The following EYA4 variants were observed in gnomAD, a reference collection of about 807,000 sequenced individuals.
The protein encoded by EYA4 is protein phosphatase EYA4.
Under a neutral mutation model 87.9 loss-of-function variants are expected in EYA4, and 31 were observed. The ratio of observed to expected loss-of-function variants is 0.35; its 90% confidence interval spans 0.27 to 0.48. The LOEUF (loss-of-function observed/expected upper bound fraction) is 0.48, where lower values mean the gene tolerates loss of function less well. EYA4 is among the 20% of genes least tolerant of loss of function. The pLI, the probability that EYA4 is intolerant of heterozygous loss-of-function variation, is 0.99. For synonymous variants in EYA4, 263 were observed against 270.6 expected, an observed-to-expected ratio of 0.97 and a Z score of 0.28; for missense variants, 678 against 761.4, an observed-to-expected ratio of 0.89 and a Z score of 1.29.
chr6:133,340,355 T>C (rs1782690687), intron 2 of EYA4, among the ~76,000 whole-genome samples: 2 of 152,188 alleles, frequency 1.3e-5, no homozygotes, highest in Admixed American at 1.3e-4. Flanking sequence ...TGCCTTTGCC[T>C]CTTTTCACAT....
intron 2 of EYA4, among the ~76,000 whole-genome samples, chr6:133,313,760 G>T (rs1780413128): frequency 6.6e-6 from 1 of 152,108 alleles, no homozygotes; most frequent in Non-Finnish European, 1.5e-5. Flanking sequence ...TCCTTACACA[G>T]TTGTTAGAGT....
rs6904475 is a variant in EYA4 at position 133,304,861 on chromosome 6, C to T, written c.33+30048C>T. Among the ~76,000 whole-genome samples, 316 of 152,158 alleles carry T rather than the reference C, an allele frequency of 2.1e-3. 2 individuals are homozygous for T. Among genetic ancestry groups the T allele is most frequent in the African/African-American group, 5.4e-3 (226 of 41,506 alleles). On this transcript the variant is annotated intron_variant, in intron 2 of 19. Coordinates refer to ENST00000355286, the MANE Select transcript of EYA4 (RefSeq NM_004100.5). ...ACTAAACGTGAGATAAATCCTTATTCCAAAGAGCTTATATTTCTGAGTGTG... is the reference window on the plus strand; with the variant it reads ...ACTAAACGTGAGATAAATCCTTATTTCAAAGAGCTTATATTTCTGAGTGTG...
chr6:133,370,873 T>C (rs1229733202), intron 2 of EYA4, among the ~76,000 whole-genome samples: 1 of 152,188 alleles, frequency 6.6e-6, no homozygotes, highest in Non-Finnish European at 1.5e-5. Flanking sequence ...GAAACCATAA[T>C]AGTAAGATCA....
chr6:133,452,893 A>G (rs1214994470), intron 5 of EYA4: 2 of 152,122 alleles, frequency 1.3e-5, no homozygotes, highest in East Asian at 3.9e-4. Context: ...ATAATCCCAC[A>G]AAACTCTTCA....
At chr6:133,413,955 C>T (rs1172551197) in intron 3 of EYA4, among the ~76,000 whole-genome samples, 1 of 152,152 alleles carries the variant, frequency 6.6e-6, no homozygotes, top group African/African-American at 2.4e-5. Flanking sequence ...ATGCTCTCTC[C>T]TCGTATTTAA....
intron 13 of EYA4, among the ~76,000 whole-genome samples, chr6:133,505,803 T>C (rs1352552281): frequency 2.6e-5 from 4 of 152,190 alleles, no homozygotes; most frequent in Admixed American, 6.5e-5. Flanking sequence ...AGATTATATG[T>C]AAACTGGGTC....
intron 1 of EYA4, among the ~76,000 whole-genome samples, chr6:133,266,912 G>A (rs975770097): frequency 1.6e-4 from 24 of 152,040 alleles, no homozygotes; most frequent in Non-Finnish European, 1.9e-4. Context: ...CATACATTAT[G>A]TATGTTACAT....
chr6:133,290,716 G>A lies in EYA4; in HGVS notation c.33+15903G>A, dbSNP rs1188657759. Among the ~76,000 whole-genome samples the A allele has an allele frequency of 2.0e-5, 3 of 152,282 alleles. No individual in the cohort carries two copies. In the East Asian group the frequency reaches 5.8e-4, roughly 29 times the overall value. Reference sequence around the variant, plus strand: ...TGGTAGGACCTTTAGAGATTATGCTGTCCAAATCCTTTACGTTAGTTTAAC... The same window carrying A: ...TGGTAGGACCTTTAGAGATTATGCTATCCAAATCCTTTACGTTAGTTTAAC... On this transcript the variant is annotated intron_variant, in intron 2 of 19. Transcript: ENST00000355286.
Position 133,515,891 on chromosome 6 carries a change from T to G in EYA4, c.1616+456T>G, listed in dbSNP as rs112698469. Among the ~76,000 whole-genome samples the G allele has an allele frequency of 7.3e-3, 1,109 of 152,268 alleles. 17 individuals are homozygous for G. The highest frequency in any genetic ancestry group is 0.025 in the African/African-American group (1,033 of 41,550). ...AGGCCATAATGGATAATACACATAA[T>G]GTAAGCACATCAGAAAAGCAGGAGA... On this transcript the variant is annotated intron_variant, in intron 17 of 19. Transcript: ENST00000355286.
intron 2 of EYA4, among the ~76,000 whole-genome samples, chr6:133,365,004 C>A (rs211627): frequency 6.6e-6 from 1 of 151,996 alleles, no homozygotes; most frequent in Admixed American, 6.6e-5. Context: ...GGATATCATC[C>A]TGACCATTTC....
At chr6:133,413,763 G>A (rs1023581905) in intron 3 of EYA4, among the ~76,000 whole-genome samples, 2 of 152,102 alleles carry the variant, frequency 1.3e-5, no homozygotes, top group Non-Finnish European at 2.9e-5. Flanking sequence ...TCTCTTCTGT[G>A]AAGCTTCCTG....
chr6:133,404,489 G>GT lies in EYA4; in HGVS notation c.83+22058dup, dbSNP rs980038905. The stretch of plus-strand genomic sequence containing the variant: ...TAATTTTTGTAAAACTTTCAGAGCT[G>GT]TTTTTTTTTTCGTATTACAAATTTA... On this transcript the variant is annotated intron_variant, in intron 3 of 19. Coordinates refer to ENST00000355286, the MANE Select transcript of EYA4 (RefSeq NM_004100.5). 1.3e-3 allele frequency among the ~76,000 whole-genome samples: 198 copies of GT among 147,400 alleles called. 1 individual carries two copies. The East Asian group carries it at 0.022, about 16-fold the overall frequency.
intron 14 of EYA4, among the ~76,000 whole-genome samples, chr6:133,509,387 A>C (rs1304194178): frequency 6.7e-6 from 1 of 148,774 alleles, no homozygotes; most frequent in Admixed American, 6.7e-5. Context: ...TTAAGCTCTC[A>C]GGGTGCTTTT....
At chr6:133,258,036 C>G (rs1247126478) in intron 1 of EYA4, among the ~76,000 whole-genome samples, 1 of 151,984 alleles carries the variant, frequency 6.6e-6, no homozygotes, top group Admixed American at 6.6e-5. Flanking sequence ...TTTTCACGAT[C>G]ATGAAAAAGA....
chr6:133,403,855 G>A (rs1788467951), intron 3 of EYA4, among the ~76,000 whole-genome samples: 1 of 152,148 alleles, frequency 6.6e-6, no homozygotes, highest in Non-Finnish European at 1.5e-5. Context: ...TTGTTACCCA[G>A]GCTGGAGTGC....
At chr6:133,336,639 C>T (rs1169878049) in intron 2 of EYA4, among the ~76,000 whole-genome samples, 1 of 152,050 alleles carries the variant, frequency 6.6e-6, no homozygotes, top group African/African-American at 2.4e-5. Flanking sequence ...CTTCTTAGTA[C>T]AATTGGAGAT....
chr6:133,275,921 T>G (rs1171143498), intron 2 of EYA4, among the ~76,000 whole-genome samples: 5 of 152,326 alleles, frequency 3.3e-5, no homozygotes, highest in Admixed American at 1.3e-4. Flanking sequence ...ATGGTAGAGA[T>G]ATATTCCTCT....
intron 2 of EYA4, among the ~76,000 whole-genome samples, chr6:133,276,229 T>C (rs1364716846): frequency 6.6e-6 from 1 of 152,192 alleles, no homozygotes; most frequent in Non-Finnish European, 1.5e-5. Flanking sequence ...TGTGTGTATA[T>C]GCAAATGTTT....
At chr6:133,338,554 A>C (rs917830445) in intron 2 of EYA4, among the ~76,000 whole-genome samples, 6 of 152,200 alleles carry the variant, frequency 3.9e-5, no homozygotes, top group African/African-American at 9.7e-5. Flanking sequence ...TACCTCTAGG[A>C]GTTAGATATC....
Sources: gnomAD v4.1 joint callset for allele counts (sites outside exome capture counted in the v4.1 genomes callset) on GRCh38, gnomAD v4.1.1 for gene constraint, MANE v1.5 for transcripts, NCBI Gene and HGNC (gene_info 2026-07-23, HGNC 2026-07-21) for gene names.